MANBA: variants seen among roughly 807,000 people sequenced by gnomAD.
The protein encoded by MANBA is mannosidase beta.
A neutral mutation model predicts 111.1 loss-of-function variants in MANBA; 83 were observed. That is an observed-to-expected ratio of 0.75 (90% CI 0.63 to 0.90). The LOEUF is 0.90. Ranked by LOEUF, MANBA falls within the 40% of genes least tolerant of loss-of-function variation. The probability of loss-of-function intolerance (pLI) is 0.00; values close to 1 mark genes in which losing one functional copy is unlikely to be tolerated. For synonymous variants in MANBA, 370 were observed against 378.7 expected (o/e 0.98, Z 0.27); for missense variants, 1,036 against 1,069.0 (o/e 0.97, Z 0.43).
intron 5 of MANBA, among the ~76,000 whole-genome samples, chr4:102,702,629 C>T (rs1184879092): frequency 1.3e-5 from 2 of 152,018 alleles, no homozygotes; most frequent in Non-Finnish European, 2.9e-5. Flanking sequence ...CCACTCCAGA[C>T]CCTGTAGAAA....
intron 1 of MANBA, chr4:102,729,063 G>T: frequency 1.3e-6 from 1 of 799,108 alleles, no homozygotes; most frequent in Non-Finnish European, 2.2e-6. Flanking sequence ...TACTCAAGCA[G>T]TTGCCATGCC....
chr4:102,638,894 G>A (rs1729746528), intron 14 of MANBA, among the ~76,000 whole-genome samples: 1 of 152,052 alleles, frequency 6.6e-6, no homozygotes, highest in Non-Finnish European at 1.5e-5. Flanking sequence ...TCTAGCCTGG[G>A]TGTCAGAACA....
At chr4:102,692,918 C>T (rs142976981) in intron 5 of MANBA, among the ~76,000 whole-genome samples, 190 of 152,086 alleles carry the variant, frequency 1.2e-3, no homozygotes, top group Admixed American at 4.4e-3. Context: ...ACGTTATAAC[C>T]GGCACTGTTT....
At chr4:102,744,458 C>A (rs562058830) in intron 1 of MANBA, among the ~76,000 whole-genome samples, 2 of 152,278 alleles carry the variant, frequency 1.3e-5, no homozygotes, top group African/African-American at 4.8e-5. Flanking sequence ...GACATAAAAC[C>A]AGAGAGTTGA....
intron 1 of MANBA, chr4:102,734,579 C>G (rs1723142403): frequency 6.2e-7 from 1 of 1,606,968 alleles, no homozygotes; most frequent in African/African-American, 1.3e-5. Flanking sequence ...CTTCTGTGAA[C>G]AAGAGGCCCA....
chr4:102,674,810 T>C (rs1207980506), intron 7 of MANBA, among the ~76,000 whole-genome samples: 2 of 152,218 alleles, frequency 1.3e-5, no homozygotes, highest in Non-Finnish European at 2.9e-5. Flanking sequence ...TTGCCAGCCA[T>C]AAATTGGATC....
chr4:102,688,288 TGC>T (rs1251281616), intron 7 of MANBA, among the ~76,000 whole-genome samples: 1 of 149,566 alleles, frequency 6.7e-6, no homozygotes, highest in African/African-American at 2.5e-5. Flanking sequence ...CATGTGTGCG[TGC>T]GCGCGCACAC....
chr4:102,673,888 G>A (rs1438065379), intron 8 of MANBA, 31 bp downstream of exon 8: 2 of 1,586,830 alleles, frequency 1.3e-6, no homozygotes, highest in South Asian at 1.1e-5. Flanking sequence ...CTAATTAAAA[G>A]AAGAACAAGA....
chr4:102,743,334 A>T (rs144773172), intron 1 of MANBA, among the ~76,000 whole-genome samples: 129 of 152,330 alleles, frequency 8.5e-4, no homozygotes, highest in African/African-American at 3.0e-3. Context: ...CTTTCCATGT[A>T]AAGTGCACAA....
intron 8 of MANBA, 105 bp downstream of exon 8, chr4:102,673,814 C>T: frequency 9.6e-7 from 1 of 1,042,906 alleles, no homozygotes; most frequent in South Asian, 1.3e-5. Context: ...TATACTACCT[C>T]TTAGTTCCTT....
At position 102,715,641 on chromosome 4, in the gene MANBA, C is replaced by T. The variant is rs534399836; in HGVS notation, c.550-1080G>A. Among the ~76,000 whole-genome samples, 4 of 152,280 alleles carry T rather than the reference C, an allele frequency of 2.6e-5. No individual in the cohort carries two copies. In the South Asian group the frequency reaches 8.3e-4, roughly 32 times the overall value. On this transcript the variant is annotated intron_variant, in intron 4 of 16. Transcript: ENST00000647097. ...AGTTATTTTTCCTGATCTTCTCTCT[C>T]CTCCCACCCTCCACCTTCTGGCAGG... is the stretch of plus-strand genomic sequence containing the variant.
At chr4:102,639,119 C>T (rs189567573) in intron 14 of MANBA, among the ~76,000 whole-genome samples, 1 of 152,288 alleles carries the variant, frequency 6.6e-6, no homozygotes, top group Admixed American at 6.5e-5. Context: ...CCAGTCATCT[C>T]ACCTGTTGCT....
In MANBA at chr4:102,635,975, A is replaced by T. The variant is rs143945849; in HGVS notation, c.2047T>A (p.Phe683Ile). 1.2e-6 allele frequency: 2 copies of T among 1,613,876 alleles called. No homozygotes were observed. Among genetic ancestry groups the T allele is most frequent in the Non-Finnish European group, 1.7e-6 (2 of 1,179,726 alleles). Reference sequence around the variant, plus strand: ...AGTGGAGCAAAGAAATTCTGAGCAAAGTAATGAAGCATTTTCCACTTTCCT... The same window carrying T: ...AGTGGAGCAAAGAAATTCTGAGCAATGTAATGAAGCATTTTCCACTTTCCT... ...YGGKWKMLHYFAQNFFAPLLP... is the reference protein window; with the variant it reads ...YGGKWKMLHYIAQNFFAPLLP... Residue 683 changes from phenylalanine (F) to isoleucine (I), a missense_variant, in exon 15 of 17, where the codon TTT becomes ATT. By Grantham distance (21) the Phe-to-Ile change is conservative. Coordinates refer to ENST00000647097, the MANE Select transcript of MANBA (RefSeq NM_005908.4).
chr4:102,702,486 TTTTA>T (rs1733104983), intron 5 of MANBA, among the ~76,000 whole-genome samples: 1 of 152,088 alleles, frequency 6.6e-6, no homozygotes, highest in Non-Finnish European at 1.5e-5. Flanking sequence ...ATCTTTGCGG[TTTTA>T]TCTACTTTTG....
chr4:102,727,886 T>A, intron 1 of MANBA: 3 of 527,138 alleles, frequency 5.7e-6, no homozygotes, highest in Admixed American at 2.6e-5. Context: ...TGAAGGGGCA[T>A]TTATGAGGCT....
At chr4:102,671,698 C>A (rs1171202860) in intron 8 of MANBA, among the ~76,000 whole-genome samples, 1 of 152,106 alleles carries the variant, frequency 6.6e-6, no homozygotes, top group Non-Finnish European at 1.5e-5. Context: ...CAGTTGTAAG[C>A]CTTGGAAAGT....
intron 12 of MANBA, among the ~76,000 whole-genome samples, chr4:102,651,714 C>T (rs1343675090): frequency 1.3e-5 from 2 of 152,094 alleles, no homozygotes; most frequent in Non-Finnish European, 2.9e-5. Context: ...AAAGGTTATC[C>T]TTCAGGAACT....
At chr4:102,682,131 A>G (rs1296885669) in intron 7 of MANBA, among the ~76,000 whole-genome samples, 1 of 151,208 alleles carries the variant, frequency 6.6e-6, no homozygotes, top group African/African-American at 2.4e-5. Flanking sequence ...TAGGTAACAA[A>G]AGACAACTCT....
At chr4:102,753,820 C>A (rs1723897400) in intron 1 of MANBA, 1 of 267,546 alleles carries the variant, frequency 3.7e-6, no homozygotes, top group Non-Finnish European at 7.6e-6. Flanking sequence ...TGGTGGCTCA[C>A]ACCTGTAATC....
Sources: allele counts gnomAD v4.1 joint callset (sites outside exome capture counted in the v4.1 genomes callset), GRCh38; gene constraint gnomAD v4.1.1; transcripts MANE v1.5; gene names NCBI Gene and HGNC (gene_info 2026-07-23, HGNC 2026-07-21).